The following HERC2 variants were observed in gnomAD, a reference collection of about 807,000 sequenced individuals.
HERC2 encodes E3 ubiquitin-protein ligase HERC2.
Under a neutral mutation model 537.7 loss-of-function variants are expected in HERC2, and 102 were observed. That is an observed-to-expected ratio of 0.19 (90% CI 0.16 to 0.22). The LOEUF is 0.22. Ranked by LOEUF, HERC2 falls within the 10% of genes least tolerant of loss-of-function variation. HERC2 has a pLI of 1.00. For missense variants in HERC2, 4,236 were observed against 6,198.2 expected, an observed-to-expected ratio of 0.68 and a Z score of 10.63; for synonymous variants, 2,224 against 2,466.2, an observed-to-expected ratio of 0.90 and a Z score of 2.91.
chr15:28,288,805 G>A (rs2076231982), intron 4 of HERC2, among the ~76,000 whole-genome samples: 1 of 146,920 alleles, frequency 6.8e-6, no homozygotes, highest in African/African-American at 2.5e-5. Flanking sequence ...CTGAGATTGT[G>A]CCATTACACT....
At chr15:28,267,917 C>A (rs1253546373) in intron 12 of HERC2, among the ~76,000 whole-genome samples, 1 of 152,250 alleles carries the variant, frequency 6.6e-6, no homozygotes, top group Non-Finnish European at 1.5e-5. Context: ...GTTCCATGCA[C>A]AACAGCAAAG....
intron 5 of HERC2, among the ~76,000 whole-genome samples, chr15:28,279,615 CCA>C (rs58447102): frequency 0.073 from 10,280 of 141,092 alleles, 519 homozygotes; most frequent in Admixed American, 0.18. Context: ...GACCCCATCT[CCA>C]CACACACACA....
intron 69 of HERC2, among the ~76,000 whole-genome samples, 154 bp downstream of exon 69, chr15:28,162,940 G>T (rs966572393): frequency 6.6e-6 from 1 of 152,176 alleles, no homozygotes; most frequent in African/African-American, 2.4e-5. Context: ...ATGCTAAAAC[G>T]TTTTGCTCTA....
At chr15:28,274,112 TAAATC>T (rs1433647744) in intron 7 of HERC2, among the ~76,000 whole-genome samples, 174 bp downstream of exon 7, 1 of 152,156 alleles carries the variant, frequency 6.6e-6, no homozygotes, top group African/African-American at 2.4e-5. Context: ...CAGAGTATCA[TAAATC>T]AAATCGCCTG....
rs536917371 is a variant in HERC2, at chr15:28,296,019, G to A, written c.188-2997C>T. Among the ~76,000 whole-genome samples the A allele has an allele frequency of 3.9e-5, 6 of 151,908 alleles. No individual in the cohort carries two copies. In the South Asian group the frequency reaches 1.0e-3, roughly 26 times the overall value. ...TGACAAATTCTGAGACCCTGTCTCA[G>A]AAAATAAAATAAAATATTCATAGTC... On this transcript the variant is annotated intron_variant, in intron 3 of 92. Transcript: ENST00000261609.
intron 50 of HERC2, among the ~76,000 whole-genome samples, 169 bp from the exon 51 acceptor site, chr15:28,196,738 T>C (rs1317351548): frequency 2.0e-5 from 3 of 152,246 alleles, no homozygotes; most frequent in Non-Finnish European, 2.9e-5. Flanking sequence ...TAATACATGA[T>C]GTCAGCGCCT....
At position 28,177,757 on chromosome 15, in the gene HERC2, T is replaced by C. The variant is rs1040512385; in HGVS notation, c.9164-248A>G. ...AAGAATTTGCAAAGAGGCAAAATAA[T>C]ACTGATTATTAATGGGGTTCCTATT... On this transcript the variant is annotated intron_variant, in intron 59 of 92. Coordinates refer to ENST00000261609, the MANE Select transcript of HERC2 (RefSeq NM_004667.6). This position sits in a 1 kb window ranked among gnomAD's most constrained non-coding sequence, Gnocchi z 5.0. 6.6e-6 allele frequency among the ~76,000 whole-genome samples: 1 copy of C among 152,194 alleles called. No homozygotes were observed.
intron 35 of HERC2, among the ~76,000 whole-genome samples, chr15:28,223,106 T>C (rs1026380234): frequency 2.0e-5 from 3 of 152,142 alleles, no homozygotes; most frequent in African/African-American, 7.2e-5. Flanking sequence ...TGGAGACCCC[T>C]GACAATTGGT....
chr15:28,306,733 T>C (rs965912028), intron 2 of HERC2, among the ~76,000 whole-genome samples: 3 of 152,246 alleles, frequency 2.0e-5, no homozygotes, highest in African/African-American at 7.2e-5. Context: ...TTTTTATTAT[T>C]ACAGTTTCAA....
At position 28,214,773 on chromosome 15, in the gene HERC2, G is replaced by A; in HGVS notation, c.6240C>T (p.Val2080=). ...TTTCGGTCTTGTCCCATGATGGAAG[G>A]ACTGCTTGCAACAAATGCACAGCTA... ...QILAVHLLQA[V]LPSWDKTERA... The change falls in exon 40 of 93, where the codon GTC becomes GTT. Residue 2080 remains valine, a synonymous_variant. Coordinates refer to ENST00000261609, the MANE Select transcript of HERC2 (RefSeq NM_004667.6). 6.2e-7 allele frequency: 1 copy of A among 1,611,712 alleles called. No individual in the cohort carries two copies. The highest frequency in any genetic ancestry group is 1.1e-5 in the South Asian group (1 of 90,984).
chr15:28,300,590 G>T (rs1223281849), intron 2 of HERC2, among the ~76,000 whole-genome samples: 1 of 150,468 alleles, frequency 6.6e-6, no homozygotes, highest in African/African-American at 2.5e-5. Flanking sequence ...GGCAGGCCAA[G>T]GCAGGTAAAT....
chr15:28,176,859 CT>C lies in HERC2; in HGVS notation c.9432+90del. On this transcript the variant is annotated intron_variant, in intron 61 of 92. Transcript: ENST00000261609. The surrounding 1 kb of genome is among the most constrained non-coding windows in gnomAD (Gnocchi z 5.0). ...CAGATAAAGCCAACCATGCACACAT[CT>C]TTATGAACTTTCCTAGACTTGAAGC... The C allele has an allele frequency of 6.3e-7, 1 of 1,576,294 alleles. No homozygotes were observed. The highest frequency in any genetic ancestry group is 8.7e-7 in the Non-Finnish European group (1 of 1,151,478).
At chr15:28,310,512 A>C (rs1422269293) in intron 2 of HERC2, among the ~76,000 whole-genome samples, 1 of 152,212 alleles carries the variant, frequency 6.6e-6, no homozygotes, top group East Asian at 1.9e-4. Context: ...AGTGAGCCGA[A>C]AACATTCAGG....
intron 4 of HERC2, among the ~76,000 whole-genome samples, chr15:28,288,179 G>C (rs972199178): frequency 6.6e-6 from 1 of 152,118 alleles, no homozygotes; most frequent in Non-Finnish European, 1.5e-5. Flanking sequence ...GAAGGAAAAC[G>C]ATAACACAAG....
chr15:28,187,425 G>A (rs531142158), intron 55 of HERC2, among the ~76,000 whole-genome samples: 48 of 151,594 alleles, frequency 3.2e-4, no homozygotes, highest in South Asian at 1.3e-3. Flanking sequence ...CCTGCCTCCC[G>A]GGTTCAAGCG....
Position 28,176,404 on chromosome 15 carries a change from G to C in HERC2, c.9686+24C>G. On this transcript the variant is annotated intron_variant, in intron 63 of 92. Transcript: ENST00000261609. The surrounding 1 kb of genome is among the most constrained non-coding windows in gnomAD (Gnocchi z 5.0). ...ACACACCTGCACAAGCACACACAGT[G>C]TGACAGGGAGGACGTTTACGTACCA... 1 of 1,612,598 alleles carries C rather than the reference G, an allele frequency of 6.2e-7. No homozygotes were observed. Among genetic ancestry groups the C allele is most frequent in the Non-Finnish European group, 8.5e-7 (1 of 1,178,872 alleles).
At chr15:28,153,723 A>G in intron 69 of HERC2, among the ~76,000 whole-genome samples, 1 of 152,266 alleles carries the variant, frequency 6.6e-6, no homozygotes, top group East Asian at 1.9e-4. Flanking sequence ...GCCAGCTGAT[A>G]AAATGAAACA....
rs746530531 is a variant in HERC2 at position 28,248,509 on chromosome 15, C to T, written c.3235+43G>A. 6.0e-6 allele frequency: 9 copies of T among 1,489,604 alleles called. 1 individual carries two copies. The South Asian group carries it at 1.0e-4, about 17-fold the overall frequency. 92.3% of individuals were successfully genotyped at this position (1,489,604 alleles called of 1,614,324 possible). A position where few individuals can be genotyped will look rare whatever the true frequency, so the allele number is the denominator to read the frequency against. On this transcript the variant is annotated intron_variant, in intron 21 of 92. Transcript: ENST00000261609. ...ACGTCGAAAAGCCTAAAGTAACGAG[C>T]CCCGATCACATACAAGACACTTTCA...
chr15:28,318,725 G>T (rs2077156187), intron 2 of HERC2, among the ~76,000 whole-genome samples: 1 of 152,104 alleles, frequency 6.6e-6, no homozygotes, highest in Admixed American at 6.6e-5. Flanking sequence ...CTGGATGTAG[G>T]GCCCTAGGCC....
Sources: gnomAD v4.1 joint callset for allele counts (sites outside exome capture counted in the v4.1 genomes callset) on GRCh38, gnomAD v4.1.1 for gene constraint, Gnocchi (gnomAD v3.1) non-coding constraint, MANE v1.5 for transcripts, NCBI Gene and HGNC (gene_info 2026-07-23, HGNC 2026-07-21) for gene names.